Variants in CCDC3 observed in about 807,000 individuals in gnomAD.
The protein encoded by CCDC3 is coiled-coil domain containing 3, also known as coiled-coil domain-containing protein 3.
A neutral mutation model predicts 21.4 loss-of-function variants in CCDC3; 24 were observed. The observed-to-expected ratio is 1.12, with a 90% confidence interval of 0.81 to 1.58. The LOEUF is 1.58. Among genes scored for constraint, CCDC3 ranks in the 40% most tolerant of loss-of-function variants. The probability of loss-of-function intolerance (pLI) is 0.00; values close to 1 mark genes in which losing one functional copy is unlikely to be tolerated. For synonymous variants in CCDC3, 186 were observed against 166.0 expected, an observed-to-expected ratio of 1.12 and a Z score of -0.93; for missense variants, 425 against 360.9, an observed-to-expected ratio of 1.18 and a Z score of -1.44.
chr10:13,090,048 T>G (rs201657143), intron 3 of CCDC3, among the ~76,000 whole-genome samples: 1,107 of 29,880 alleles, frequency 0.037, 14 homozygotes, highest in South Asian at 0.077. Flanking sequence ...TATATATATA[T>G]ATATATATAT....
In CCDC3 at chr10:13,029,455, G is replaced by A. The variant is rs560022264; in HGVS notation, c.-2+20219C>T. ...CTCCTCCAAAGGAATGCAGCTCATC[G>A]CCAACAATGGAACAAAGCTGGACAG... is the stretch of plus-strand genomic sequence containing the variant. On this transcript the variant is annotated intron_variant, in intron 5 of 6. Transcript: ENST00000378839. 9.9e-5 allele frequency among the ~76,000 whole-genome samples: 15 copies of A among 152,220 alleles called. No individual in the cohort carries two copies. In the South Asian group the frequency reaches 2.3e-3, roughly 23 times the overall value.
intron 3 of CCDC3, among the ~76,000 whole-genome samples, chr10:13,098,168 G>C (rs1007411428): frequency 3.3e-5 from 5 of 152,004 alleles, no homozygotes; most frequent in Admixed American, 2.6e-4. Flanking sequence ...GGAATCAGGA[G>C]AAAACAACTT....
chr10:12,933,597 C>T (rs1256737598), intron 2 of CCDC3, among the ~76,000 whole-genome samples: 1 of 151,868 alleles, frequency 6.6e-6, no homozygotes, highest in Non-Finnish European at 1.5e-5. Context: ...AGCTGGCTTA[C>T]AGACATGCAC....
At chr10:12,968,426 C>T (rs987124565) in intron 2 of CCDC3, among the ~76,000 whole-genome samples, 1 of 152,124 alleles carries the variant, frequency 6.6e-6, no homozygotes, top group Non-Finnish European at 1.5e-5. Flanking sequence ...AAAGACTTTT[C>T]CCAACAAACA....
chr10:13,000,757 G>A (rs897044725), intron 1 of CCDC3, among the ~76,000 whole-genome samples: 2 of 152,196 alleles, frequency 1.3e-5, no homozygotes, highest in African/African-American at 4.8e-5. Flanking sequence ...TGAGGCTATG[G>A]AAGTTCTTGA....
At chr10:13,069,922 T>C (rs1389528634) in intron 4 of CCDC3, among the ~76,000 whole-genome samples, 2 of 152,242 alleles carry the variant, frequency 1.3e-5, no homozygotes, top group Non-Finnish European at 2.9e-5. Context: ...CTTCAACAGA[T>C]GGTTTATAAC....
Position 12,935,991 on chromosome 10 carries a change from C to T in CCDC3, c.550-37312G>A, listed in dbSNP as rs530570469. ...CAAAAGTGAATACATTGTTGCTATT[C>T]TTTTGAACAAACTTATCTGTCAGAT... is the stretch of plus-strand genomic sequence containing the variant. On this transcript the variant is annotated intron_variant, in intron 2 of 2. Transcript: ENST00000378825. Among the ~76,000 whole-genome samples the T allele has an allele frequency of 3.9e-5, 6 of 152,308 alleles. No individual in the cohort carries two copies. In the East Asian group the frequency reaches 1.2e-3, roughly 29 times the overall value.
intron 2 of CCDC3, among the ~76,000 whole-genome samples, chr10:12,921,566 T>C (rs1834450698): frequency 6.6e-6 from 1 of 152,222 alleles, no homozygotes; most frequent in Admixed American, 6.5e-5. Context: ...TGTAGCAAAA[T>C]ATACATAACA....
At chr10:12,996,527 G>C (rs144360420) in intron 2 of CCDC3, among the ~76,000 whole-genome samples, 1 of 152,200 alleles carries the variant, frequency 6.6e-6, no homozygotes, top group African/African-American at 2.4e-5. Flanking sequence ...GTAGAGACAG[G>C]GTTTCGCCAT....
chr10:13,007,265 T>C (rs981310404), intron 5 of CCDC3, among the ~76,000 whole-genome samples: 5 of 152,170 alleles, frequency 3.3e-5, no homozygotes, highest in Admixed American at 2.0e-4. Flanking sequence ...AGTTCAACCT[T>C]CCTAATTCCC....
chr10:13,033,349 A>G (rs962844607), intron 5 of CCDC3, among the ~76,000 whole-genome samples: 9 of 152,242 alleles, frequency 5.9e-5, no homozygotes, highest in African/African-American at 2.2e-4. Flanking sequence ...TTCAAGATGG[A>G]TTAAATACTT....
chr10:12,991,175 T>TG (rs1835675751), intron 2 of CCDC3, among the ~76,000 whole-genome samples: 1 of 152,232 alleles, frequency 6.6e-6, no homozygotes, highest in African/African-American at 2.4e-5. Context: ...TTAGTCTATT[T>TG]GGGGTTCAAA....
At chr10:13,093,025 C>T (rs1832591236) in intron 3 of CCDC3, among the ~76,000 whole-genome samples, 1 of 124,716 alleles carries the variant, frequency 8.0e-6, no homozygotes. Context: ...GAACCCCTCA[C>T]CTTTTTTTTT....
chr10:13,004,837 G>C (rs1330926579), upstream of CCDC3, among the ~76,000 whole-genome samples: 1 of 152,044 alleles, frequency 6.6e-6, no homozygotes, highest in Non-Finnish European at 1.5e-5. Context: ...CAAGAAAAGA[G>C]ACTGACAGAC....
At chr10:13,061,438 G>C (rs1588410995) in intron 4 of CCDC3, among the ~76,000 whole-genome samples, 2 of 152,280 alleles carry the variant, frequency 1.3e-5, no homozygotes, top group South Asian at 4.2e-4. Flanking sequence ...GGTCTTGTGT[G>C]GACGAAAACA....
intron 5 of CCDC3, among the ~76,000 whole-genome samples, chr10:13,017,848 A>G (rs1307354779): frequency 2.0e-5 from 3 of 152,106 alleles, no homozygotes; most frequent in Non-Finnish European, 4.4e-5. Flanking sequence ...AGAAAAATCT[A>G]GCCTTTGGAG....
intron 5 of CCDC3, among the ~76,000 whole-genome samples, chr10:13,046,707 CAAAAA>C (rs35466054): frequency 7.2e-6 from 1 of 138,050 alleles, no homozygotes. Context: ...AACTCCGTCT[CAAAAA>C]AAAAAAAAAA....
intron 2 of CCDC3, among the ~76,000 whole-genome samples, chr10:12,908,095 G>T (rs903420415): frequency 6.6e-6 from 1 of 152,184 alleles, no homozygotes; most frequent in Non-Finnish European, 1.5e-5. Context: ...AGAGGAAAGG[G>T]GAGTTTATTA....
At chr10:12,900,583 C>T (rs530476986) in intron 2 of CCDC3, among the ~76,000 whole-genome samples, 3 of 140,466 alleles carry the variant, frequency 2.1e-5, no homozygotes, top group Non-Finnish European at 4.6e-5. Flanking sequence ...CCCAGCTACT[C>T]GGGAGGCTGA....
Sources: gnomAD v4.1 joint callset for allele counts (sites outside exome capture counted in the v4.1 genomes callset) on GRCh38, gnomAD v4.1.1 for gene constraint, MANE v1.5 for transcripts, NCBI Gene and HGNC (gene_info 2026-07-23, HGNC 2026-07-21) for gene names.